Variants in PDE10A observed in about 807,000 individuals in gnomAD.
PDE10A encodes the protein phosphodiesterase 10A.
PDE10A carries 39 observed loss-of-function variants against 97.7 expected under a neutral mutation model. The observed-to-expected ratio is 0.40, with a 90% CI of 0.31 to 0.52. The LOEUF is 0.52. Ranked by LOEUF, PDE10A falls within the 20% of genes least tolerant of loss-of-function variation. The probability of loss-of-function intolerance (pLI) is 0.56; values close to 1 mark genes in which losing one functional copy is unlikely to be tolerated. For missense variants in PDE10A, 731 were observed against 1,047.8 expected (o/e 0.70, Z 4.17); for synonymous variants, 371 against 376.8 (o/e 0.98, Z 0.18).
upstream of PDE10A, among the ~76,000 whole-genome samples, chr6:165,666,353 G>C (rs941409411): frequency 6.6e-6 from 1 of 152,096 alleles, no homozygotes; most frequent in Non-Finnish European, 1.5e-5. Context: ...TACTTATACA[G>C]ATGTCTACCA....
intron 14 of PDE10A, among the ~76,000 whole-genome samples, chr6:165,395,551 T>C (rs1414295382): frequency 6.6e-6 from 1 of 152,120 alleles, no homozygotes; most frequent in African/African-American, 2.4e-5. Context: ...TACAAAAAGG[T>C]ATATTACAAA....
chr6:165,913,113 G>A (rs911683634), intron 1 of PDE10A, among the ~76,000 whole-genome samples: 4 of 152,156 alleles, frequency 2.6e-5, no homozygotes, highest in African/African-American at 9.7e-5. Context: ...CAGGCTATGT[G>A]CAGGAAATAT....
intron 1 of PDE10A, among the ~76,000 whole-genome samples, chr6:165,943,191 G>A (rs865946888): frequency 0.042 from 2,190 of 51,772 alleles, 316 homozygotes; most frequent in South Asian, 0.11. Flanking sequence ...AAGAAAGAAA[G>A]AAAGAAAGAA....
chr6:165,690,094 T>C (rs1473960358), intron 1 of PDE10A, among the ~76,000 whole-genome samples: 1 of 152,180 alleles, frequency 6.6e-6, no homozygotes, highest in Non-Finnish European at 1.5e-5. Flanking sequence ...TTCTCTTTGG[T>C]CACACAGAGA....
At chr6:165,644,696 T>A (rs942861897) in intron 1 of PDE10A, among the ~76,000 whole-genome samples, 13 of 152,270 alleles carry the variant, frequency 8.5e-5, no homozygotes, top group Admixed American at 4.6e-4. Context: ...CACAGCGTAT[T>A]CTATGAAAAC....
chr6:165,815,923 GC>G (rs1779396867), intron 1 of PDE10A, among the ~76,000 whole-genome samples: 1 of 151,792 alleles, frequency 6.6e-6, no homozygotes, highest in African/African-American at 2.4e-5. Flanking sequence ...TCCCCTTCTT[GC>G]CCCTACTCCA....
chr6:165,612,565 T>C (rs149813899), intron 1 of PDE10A, among the ~76,000 whole-genome samples: 2,078 of 152,266 alleles, frequency 0.014, 23 homozygotes, highest in Middle Eastern at 0.034. Context: ...AGACGGGTTT[T>C]TGCCATGTTG....
In PDE10A at chr6:165,736,665, A is replaced by C. The variant is rs369966041; in HGVS notation, c.-614-193097T>G. Among the ~76,000 whole-genome samples the C allele has an allele frequency of 1.2e-4, 19 of 152,366 alleles. No individual in the cohort carries two copies. The East Asian group carries it at 1.3e-3, about 11-fold the overall frequency. ...GGGACTCAGCAAGAGCATTCCTAAG[A>C]GGGAAGTTACCATGATAAATGTCTA... is the stretch of plus-strand genomic sequence containing the variant. On this transcript the variant is annotated intron_variant, in intron 1 of 19. Coordinates refer to the PDE10A transcript ENST00000366882.
intron 1 of PDE10A, among the ~76,000 whole-genome samples, chr6:165,612,886 A>T (rs577752352): frequency 2.9e-4 from 44 of 152,376 alleles, no homozygotes; most frequent in African/African-American, 1.0e-3. Context: ...CTAATAGGGC[A>T]TAAATTCAAA....
intron 1 of PDE10A, chr6:165,987,454 C>A: frequency 2.9e-6 from 1 of 342,430 alleles, no homozygotes; most frequent in Non-Finnish European, 5.8e-6. Context: ...TACACGCACA[C>A]ACACACAAAG....
intron 2 of PDE10A, among the ~76,000 whole-genome samples, chr6:165,533,279 C>T (rs903595448): frequency 1.3e-5 from 2 of 152,094 alleles, no homozygotes; most frequent in African/African-American, 4.8e-5. Context: ...CTGAGAAACG[C>T]ATTGTTGTAA....
At chr6:165,744,914 G>A (rs1477434801) in intron 1 of PDE10A, among the ~76,000 whole-genome samples, 2 of 151,652 alleles carry the variant, frequency 1.3e-5, no homozygotes, top group Non-Finnish European at 2.9e-5. Context: ...GAGATTCCTG[G>A]CCTAAAGGGC....
chr6:165,833,786 A>T (rs547614883), intron 1 of PDE10A, among the ~76,000 whole-genome samples: 1 of 152,354 alleles, frequency 6.6e-6, no homozygotes, highest in South Asian at 2.1e-4. Context: ...CATTCCAGGT[A>T]AGAGTTGATA....
chr6:165,765,533 A>G (rs1777819167), intron 1 of PDE10A, among the ~76,000 whole-genome samples: 1 of 152,248 alleles, frequency 6.6e-6, no homozygotes, highest in Admixed American at 6.5e-5. Context: ...CCCGGGTGCT[A>G]AGTCCCTCAT....
At chr6:165,688,777 C>T (rs1436462488) in intron 1 of PDE10A, among the ~76,000 whole-genome samples, 1 of 152,050 alleles carries the variant, frequency 6.6e-6, no homozygotes, top group Non-Finnish European at 1.5e-5. Flanking sequence ...TCTAAAAAGC[C>T]ATCCAAAAAA....
chr6:165,613,276 T>G (rs771709830), intron 1 of PDE10A, among the ~76,000 whole-genome samples: 7 of 152,178 alleles, frequency 4.6e-5, no homozygotes, highest in Admixed American at 1.3e-4. Flanking sequence ...ATTGACCAAA[T>G]ACTTGATGAT....
In PDE10A at chr6:165,413,510, G is replaced by A. The variant is rs998234557; in HGVS notation, c.2067C>T (p.His689=). Residue 689 remains histidine (H), a synonymous_variant, in exon 13 of 22, where the codon CAC becomes CAT. Coordinates refer to ENST00000539869, the MANE Select transcript of PDE10A (RefSeq NM_001385079.1). The part of the protein sequence containing the change: ...MFAVFCALAL[H]CANMYHRIRH... The stretch of plus-strand genomic sequence containing the variant: ...AATAAATAGTACTTACATTAGCACA[G>A]TGTAAGGCTAAAGCACAAAAGACGG... 6.2e-7 allele frequency: 1 copy of A among 1,610,496 alleles called. No individual in the cohort carries two copies. The highest frequency in any genetic ancestry group is 2.2e-5 in the East Asian group (1 of 44,880).
chr6:165,366,440 A>T (rs1299455929), intron 18 of PDE10A, among the ~76,000 whole-genome samples: 1 of 152,230 alleles, frequency 6.6e-6, no homozygotes, highest in African/African-American at 2.4e-5. Flanking sequence ...CAAAGTTTTA[A>T]GATTCTGGTA....
At chr6:165,768,232 G>A (rs544376546) in intron 1 of PDE10A, among the ~76,000 whole-genome samples, 29 of 152,150 alleles carry the variant, frequency 1.9e-4, no homozygotes, top group East Asian at 9.7e-4. Flanking sequence ...CTCCCATCCC[G>A]TGGGTTGCTT....
Sources: allele counts gnomAD v4.1 joint callset (sites outside exome capture counted in the v4.1 genomes callset), GRCh38; gene constraint gnomAD v4.1.1; transcripts MANE v1.5; gene names NCBI Gene and HGNC (gene_info 2026-07-23, HGNC 2026-07-21).